GABBR2: variants seen among roughly 807,000 people sequenced by gnomAD.
GABBR2 encodes the protein gamma-aminobutyric acid type B receptor subunit 2.
In GABBR2, 23 loss-of-function variants were observed where a neutral mutation model predicts 105.6. The observed-to-expected ratio is 0.22, with a 90% CI of 0.16 to 0.31. GABBR2 has a LOEUF of 0.31. Among genes scored for constraint, GABBR2 ranks in the 10% least tolerant of loss-of-function variants. The pLI is 1.00. For synonymous variants in GABBR2, 478 were observed against 499.7 expected, an observed-to-expected ratio of 0.96 and a Z score of 0.58; for missense variants, 734 against 1,245.5, an observed-to-expected ratio of 0.59 and a Z score of 6.18.
At chr9:98,391,485 T>C (rs997103936) in intron 9 of GABBR2, among the ~76,000 whole-genome samples, 11 of 152,096 alleles carry the variant, frequency 7.2e-5, no homozygotes, top group African/African-American at 2.4e-4. Context: ...GGTGATGTGA[T>C]AACATCAGAC....
chr9:98,594,113 C>T (rs752203581), intron 1 of GABBR2, among the ~76,000 whole-genome samples: 10 of 152,226 alleles, frequency 6.6e-5, no homozygotes, highest in Non-Finnish European at 1.3e-4. Flanking sequence ...GGCACAGTGT[C>T]GCCCACACTT....
At chr9:98,530,809 AT>A (rs1351392064) in intron 3 of GABBR2, among the ~76,000 whole-genome samples, 1 of 152,138 alleles carries the variant, frequency 6.6e-6, no homozygotes, top group African/African-American at 2.4e-5. Context: ...AGACCACACC[AT>A]GCTGAATAAT....
intron 1 of GABBR2, among the ~76,000 whole-genome samples, chr9:98,675,614 A>C (rs1830467307): frequency 6.6e-6 from 1 of 152,138 alleles, no homozygotes; most frequent in African/African-American, 2.4e-5. Context: ...TCTATTCTGA[A>C]GGTGGGAGTG....
At chr9:98,425,020 G>A (rs1048480606) in intron 7 of GABBR2, among the ~76,000 whole-genome samples, 6 of 151,888 alleles carry the variant, frequency 4.0e-5, no homozygotes, top group Admixed American at 1.3e-4. Context: ...AGCCCGCATC[G>A]CCAAGTCAAT....
chr9:98,532,376 T>G (rs1175301249), intron 3 of GABBR2, among the ~76,000 whole-genome samples: 2 of 152,204 alleles, frequency 1.3e-5, no homozygotes, highest in Non-Finnish European at 2.9e-5. Context: ...CTAAAAGCAT[T>G]GGCAAGTTCT....
At chr9:98,602,394 C>G (rs918714843) in intron 1 of GABBR2, among the ~76,000 whole-genome samples, 1 of 150,900 alleles carries the variant, frequency 6.6e-6, no homozygotes, top group African/African-American at 2.4e-5. Flanking sequence ...ATCGCTTGAA[C>G]CCGGGAGGCA....
chr9:98,418,003 G>A (rs1163035422), intron 7 of GABBR2, among the ~76,000 whole-genome samples: 2 of 152,102 alleles, frequency 1.3e-5, no homozygotes, highest in African/African-American at 2.4e-5. Context: ...TGCATGGGGT[G>A]GAGGGCTGGT....
intron 10 of GABBR2, among the ~76,000 whole-genome samples, chr9:98,387,466 G>A (rs959836413): frequency 6.6e-6 from 1 of 152,214 alleles, no homozygotes; most frequent in East Asian, 1.9e-4. Flanking sequence ...GGTATGTTGA[G>A]CATTTAAGGT....
chr9:98,601,741 A>C (rs1829340213), intron 1 of GABBR2, among the ~76,000 whole-genome samples: 1 of 152,176 alleles, frequency 6.6e-6, no homozygotes, highest in African/African-American at 2.4e-5. Context: ...AGCTCTGTTA[A>C]GGCCAGTATG....
At chr9:98,431,239 C>T (rs1825804448) in intron 7 of GABBR2, among the ~76,000 whole-genome samples, 1 of 152,138 alleles carries the variant, frequency 6.6e-6, no homozygotes, top group African/African-American at 2.4e-5. Flanking sequence ...CCTCCTCATC[C>T]TCCTACACAT....
rs774679694 is a variant in GABBR2 at position 98,385,594 on chromosome 9, A to C, written c.1662+46T>G. On this transcript the variant is annotated intron_variant, in intron 11 of 18. Transcript: ENST00000259455. ...GTGTTTTCGATGACTGAGGTCACCA[A>C]GGAAACTTTCTATCATATACCACTG... 7 of 1,559,720 alleles carry C rather than the reference A, an allele frequency of 4.5e-6. No individual in the cohort carries two copies. The South Asian group carries it at 6.7e-5, about 15-fold the overall frequency.
At chr9:98,638,201 C>T (rs962219788) in intron 1 of GABBR2, among the ~76,000 whole-genome samples, 2 of 152,196 alleles carry the variant, frequency 1.3e-5, no homozygotes, top group African/African-American at 4.8e-5. Flanking sequence ...GAAGGAAAGA[C>T]CCAGAACAAA....
chr9:98,382,050 G>C (rs1183047328), intron 11 of GABBR2, among the ~76,000 whole-genome samples: 1 of 152,130 alleles, frequency 6.6e-6, no homozygotes, highest in African/African-American at 2.4e-5. Flanking sequence ...TTCTGGGAAG[G>C]AGAGAGTTTC....
intron 6 of GABBR2, among the ~76,000 whole-genome samples, chr9:98,466,081 G>A (rs559006400): frequency 4.5e-4 from 69 of 152,260 alleles, no homozygotes; most frequent in African/African-American, 1.5e-3. Context: ...GCCTGCTTCC[G>A]CTTTGCCTTC....
At chr9:98,477,962 T>C (rs1027299419) in intron 5 of GABBR2, among the ~76,000 whole-genome samples, 8 of 152,126 alleles carry the variant, frequency 5.3e-5, no homozygotes, top group African/African-American at 1.4e-4. Flanking sequence ...AGCGACCTGA[T>C]TGAGGTCACA....
At chr9:98,385,042 G>A (rs924573638) in intron 11 of GABBR2, among the ~76,000 whole-genome samples, 2 of 152,190 alleles carry the variant, frequency 1.3e-5, no homozygotes, top group Non-Finnish European at 2.9e-5. Context: ...TTCTTTGATG[G>A]TTTTTGAGGT....
intron 1 of GABBR2, among the ~76,000 whole-genome samples, chr9:98,694,229 C>T (rs565720739): frequency 3.2e-4 from 49 of 152,316 alleles, no homozygotes; most frequent in South Asian, 1.5e-3. Flanking sequence ...TAGCAACCCC[C>T]CATGATTTGA....
chr9:98,324,792 T>C (rs1055516837), intron 13 of GABBR2, among the ~76,000 whole-genome samples: 10 of 152,308 alleles, frequency 6.6e-5, no homozygotes, highest in Admixed American at 3.3e-4. Context: ...CTTGCCTGCC[T>C]GCAATCCTCC....
intron 2 of GABBR2, among the ~76,000 whole-genome samples, chr9:98,552,527 G>A (rs540437989): frequency 3.3e-5 from 5 of 152,308 alleles, no homozygotes; most frequent in Admixed American, 2.0e-4. Context: ...GCGCCAGGTC[G>A]CCGCTGTGCT....
Sources: gnomAD v4.1 joint callset for allele counts (sites outside exome capture counted in the v4.1 genomes callset) on GRCh38, gnomAD v4.1.1 for gene constraint, MANE v1.5 for transcripts, NCBI Gene and HGNC (gene_info 2026-07-23, HGNC 2026-07-21) for gene names.